Variants in SDCBP observed in about 807,000 individuals in gnomAD.
SDCBP encodes syndecan binding protein, also known as syntenin-1.
A neutral mutation model predicts 30.5 loss-of-function variants in SDCBP; 22 were observed. The ratio of observed to expected loss-of-function variants is 0.72; its 90% confidence interval spans 0.52 to 1.03. The LOEUF is 1.03. Among genes scored for constraint, SDCBP ranks in the 50% least tolerant of loss-of-function variants. SDCBP has a pLI of 0.00. For missense variants in SDCBP, 304 were observed against 369.9 expected, an observed-to-expected ratio of 0.82 and a Z score of 1.46; for synonymous variants, 103 against 118.7, an observed-to-expected ratio of 0.87 and a Z score of 0.86.
chr8:58,578,859 G>A (rs1317133494), intron 6 of SDCBP, among the ~76,000 whole-genome samples: 1 of 152,046 alleles, frequency 6.6e-6, no homozygotes, highest in Non-Finnish European at 1.5e-5. Flanking sequence ...TAGGTATTTC[G>A]TAAATGTTTC....
chr8:58,565,073 AAAGT>A lies in SDCBP; in HGVS notation c.43_46del (p.Val15PhefsTer44). The A allele has an allele frequency of 6.4e-7, 1 of 1,568,710 alleles. No individual in the cohort carries two copies. Among genetic ancestry groups the A allele is most frequent in the South Asian group, 1.1e-5 (1 of 87,588 alleles). ...ATCTCTCGAAGACTTGAAGGTAGAC[AAAGT>A]AATTCAGGTATGATAGTTTAAATAC... On this transcript the variant is annotated frameshift_variant, in exon 2 of 9. Transcript: ENST00000260130. LOFTEE classifies it high-confidence loss of function.
intron 1 of SDCBP, among the ~76,000 whole-genome samples, chr8:58,555,581 TATA>T (rs1410911792): frequency 1.3e-5 from 2 of 152,196 alleles, no homozygotes; most frequent in Non-Finnish European, 2.9e-5. Context: ...AAGCTGTTTT[TATA>T]ATAACTAGAG....
At chr8:58,563,552 TAG>T (rs1261233439) in intron 1 of SDCBP, among the ~76,000 whole-genome samples, 3 of 151,314 alleles carry the variant, frequency 2.0e-5, no homozygotes, top group Admixed American at 6.6e-5. Context: ...GGCTGAATTT[TAG>T]AGTGTGTGAA....
intron 4 of SDCBP, among the ~76,000 whole-genome samples, chr8:58,573,190 G>A (rs1386940472): frequency 6.6e-6 from 1 of 152,008 alleles, no homozygotes; most frequent in Non-Finnish European, 1.5e-5. Context: ...ATTATAATGG[G>A]TCTGATAACC....
intron 1 of SDCBP, among the ~76,000 whole-genome samples, chr8:58,555,766 T>TA (rs1252024429): frequency 6.6e-6 from 1 of 151,742 alleles, no homozygotes; most frequent in Non-Finnish European, 1.5e-5. Context: ...TTTTTTTTTT[T>TA]AGAGATGGAA....
chr8:58,568,042 T>A (rs1804796464), intron 2 of SDCBP, among the ~76,000 whole-genome samples: 1 of 152,298 alleles, frequency 6.6e-6, no homozygotes, highest in Non-Finnish European at 1.5e-5. Flanking sequence ...CAATACTCTA[T>A]ACTTGGGCTG....
chr8:58,576,340 T>C (rs886832818), intron 5 of SDCBP: 19 of 232,072 alleles, frequency 8.2e-5, no homozygotes, highest in African/African-American at 3.6e-4. Context: ...GTTTGTATAA[T>C]AGAATTGTGG....
chr8:58,560,422 G>C (rs1046835561), intron 1 of SDCBP: 5 of 152,294 alleles, frequency 3.3e-5, no homozygotes, highest in Admixed American at 2.6e-4. Flanking sequence ...AGTGGAGTAT[G>C]TGTCCAACAT....
intron 8 of SDCBP, among the ~76,000 whole-genome samples, chr8:58,580,922 C>T (rs1449702334): frequency 6.6e-6 from 1 of 152,154 alleles, no homozygotes; most frequent in Non-Finnish European, 1.5e-5. Context: ...CACTGCCTAC[C>T]ACCCCTCTGC....
chr8:58,560,856 A>G (rs1180685344), intron 1 of SDCBP: 2 of 152,254 alleles, frequency 1.3e-5, no homozygotes, highest in African/African-American at 4.8e-5. Flanking sequence ...AAGACACACA[A>G]AGAAATAGGG....
intron 7 of SDCBP, 127 bp downstream of exon 7, chr8:58,579,921 T>G: frequency 1.2e-6 from 1 of 805,920 alleles, no homozygotes; most frequent in Non-Finnish European, 1.9e-6. Context: ...GCCTGAACTC[T>G]TGGTCTGGCC....
At position 58,580,425 on chromosome 8, in the gene SDCBP, A is replaced by T; in HGVS notation, c.751-92A>T. 4.4e-6 allele frequency: 3 copies of T among 685,472 alleles called. No homozygotes were observed. In the South Asian group the frequency reaches 5.1e-5, roughly 12 times the overall value. 42.5% of individuals were successfully genotyped at this position (685,472 alleles called of 1,614,324 possible). Reference sequence around the variant, plus strand: ...GAAAAAATTAGAAATACCAAGACATATATTTTGTATTTCTTTACCAAGACT... The same window carrying T: ...GAAAAAATTAGAAATACCAAGACATTTATTTTGTATTTCTTTACCAAGACT... On this transcript the variant is annotated intron_variant, in intron 7 of 8. Coordinates refer to ENST00000260130, the MANE Select transcript of SDCBP (RefSeq NM_005625.4).
intron 5 of SDCBP, chr8:58,576,316 C>CT (rs958017320): frequency 1.2e-5 from 4 of 333,398 alleles, no homozygotes; most frequent in African/African-American, 8.4e-5. Context: ...TTTCACTGGC[C>CT]TACATATATT....
chr8:58,563,920 G>T (rs1804567081), intron 1 of SDCBP, among the ~76,000 whole-genome samples: 1 of 152,206 alleles, frequency 6.6e-6, no homozygotes, highest in Non-Finnish European at 1.5e-5. Context: ...TGAAGGGGTT[G>T]AGAAAGCTGC....
At chr8:58,561,900 A>G (rs1804459586) in intron 1 of SDCBP, 2 of 582,520 alleles carry the variant, frequency 3.4e-6, no homozygotes, top group Non-Finnish European at 6.1e-6. Context: ...TGAAATTTGT[A>G]GCATCAGTAA....
chr8:58,580,698 C>A, intron 8 of SDCBP, 90 bp downstream of exon 8: 1 of 723,160 alleles, frequency 1.4e-6, no homozygotes, highest in Non-Finnish European at 2.4e-6. Flanking sequence ...GGTTCTTTTA[C>A]CCAAGGAATG....
At chr8:58,578,283 A>T in intron 6 of SDCBP, 75 bp downstream of exon 6, 1 of 1,122,534 alleles carries the variant, frequency 8.9e-7, no homozygotes, top group Admixed American at 2.7e-5. Context: ...AGAGTTTGTG[A>T]GTATATTATT....
At chr8:58,571,561 G>A (rs1439253844) in intron 3 of SDCBP, among the ~76,000 whole-genome samples, 1 of 152,078 alleles carries the variant, frequency 6.6e-6, no homozygotes. Flanking sequence ...TTATAACATT[G>A]TGCCTCATAG....
At chr8:58,579,520 T>C (rs1805552253) in intron 6 of SDCBP, 103 bp from the exon 7 acceptor site, 2 of 803,546 alleles carry the variant, frequency 2.5e-6, no homozygotes, top group Non-Finnish European at 3.5e-6. Context: ...AGAAACAGTG[T>C]TTATTATAAA....
Sources: gnomAD v4.1 joint callset for allele counts (sites outside exome capture counted in the v4.1 genomes callset) on GRCh38, gnomAD v4.1.1 for gene constraint, MANE v1.5 for transcripts, NCBI Gene and HGNC (gene_info 2026-07-23, HGNC 2026-07-21) for gene names.